The following TXLNB variants were observed in gnomAD, a reference collection of about 807,000 sequenced individuals.
TXLNB encodes beta-taxilin.
In TXLNB, 37 loss-of-function variants were observed where a neutral mutation model predicts 57.4. The ratio of observed to expected loss-of-function variants is 0.64; its 90% CI spans 0.50 to 0.85. TXLNB has a LOEUF of 0.85. Ranked by LOEUF, TXLNB falls within the 40% of genes least tolerant of loss-of-function variation. TXLNB has a pLI of 0.00. For missense variants in TXLNB, 848 were observed against 825.6 expected, an observed-to-expected ratio of 1.03 and a Z score of -0.33; for synonymous variants, 302 against 309.6, an observed-to-expected ratio of 0.98 and a Z score of 0.26.
the TXLNB span, among the ~76,000 whole-genome samples, chr6:139,230,617 A>C: frequency 6.6e-6 from 1 of 152,214 alleles, no homozygotes; most frequent in African/African-American, 2.4e-5. Flanking sequence ...AATGGCATGG[A>C]GAATTTCTCA....
the TXLNB span, among the ~76,000 whole-genome samples, chr6:139,173,792 A>G: frequency 6.6e-6 from 1 of 152,232 alleles, no homozygotes; most frequent in African/African-American, 2.4e-5. Flanking sequence ...GAATAATAAG[A>G]CATTGAACTT....
At chr6:139,248,326 T>C (rs1278061475) in intron 7 of TXLNB, among the ~76,000 whole-genome samples, 1 of 149,044 alleles carries the variant, frequency 6.7e-6, no homozygotes, top group African/African-American at 2.5e-5. Flanking sequence ...TGAAACCCCG[T>C]CTCTACTAAA....
Position 139,242,887 on chromosome 6 carries a change from G to C in TXLNB, c.1694C>G (p.Ala565Gly). 1.2e-6 allele frequency: 2 copies of C among 1,614,162 alleles called. No individual in the cohort carries two copies. Among genetic ancestry groups the C allele is most frequent in the Non-Finnish European group, 1.7e-6 (2 of 1,180,016 alleles). The change falls in exon 10 of 10, where the codon GCC becomes GGC. Residue 565 changes from alanine (A) to glycine (G), a missense_variant. Coordinates refer to ENST00000358430, the MANE Select transcript of TXLNB (RefSeq NM_153235.4). ...AGGTTCAGCATCACTGCCTCCTTCG[G>C]CTTCAGCCTGAGGAGTTAGGGGAGG... Reference protein sequence around the residue: ...PLPPLTPQAEAEGGSDAEPPS... With the variant: ...PLPPLTPQAEGEGGSDAEPPS...
chr6:139,288,424 T>A, intron 2 of TXLNB, 52 bp downstream of exon 2: 1 of 1,541,816 alleles, frequency 6.5e-7, no homozygotes, highest in South Asian at 1.2e-5. Context: ...GAAGTGCCCC[T>A]TTTTTAGGAA....
chr6:139,247,797 T>G lies in TXLNB; in HGVS notation c.1170+20A>C. The G allele has an allele frequency of 1.3e-6, 2 of 1,520,896 alleles. No individual in the cohort carries two copies. The highest frequency in any genetic ancestry group is 1.8e-6 in the Non-Finnish European group (2 of 1,116,382). The allele number at this position is 1,520,896 out of a possible 1,614,324, so 94.2% of individuals were successfully genotyped here. On this transcript the variant is annotated intron_variant, in intron 8 of 9. Coordinates refer to ENST00000358430, the MANE Select transcript of TXLNB (RefSeq NM_153235.4). ...AAAATAGAAAATGTCAATATTTTGT[T>G]GGTGATAAGCAATACTCACTTTGTC...
chr6:139,252,339 T>TA (rs1405632458), intron 7 of TXLNB, among the ~76,000 whole-genome samples: 1 of 152,212 alleles, frequency 6.6e-6, no homozygotes, highest in Non-Finnish European at 1.5e-5. Flanking sequence ...GAATCTGTGA[T>TA]AGAGTTTGTT....
In TXLNB at chr6:139,270,482, G is replaced by C; in HGVS notation, c.661C>G (p.Leu221Val). The change falls in exon 4 of 10, where the codon CTG becomes GTG. Residue 221 changes from leucine to valine, a missense_variant. Coordinates refer to ENST00000358430, the MANE Select transcript of TXLNB (RefSeq NM_153235.4). ...RSKLESLCRE[L>V]QRHNKTLKEE... ...TTCAGAGTCTTGTTGTGTCTCTGCA[G>C]CTCCCGGCACAGACTCTCCAATTTG... 6.2e-7 allele frequency: 1 copy of C among 1,614,102 alleles called. No homozygotes were observed. Among genetic ancestry groups the C allele is most frequent in the Non-Finnish European group, 8.5e-7 (1 of 1,179,998 alleles).
At chr6:139,216,964 A>G in the TXLNB span, among the ~76,000 whole-genome samples, 1 of 152,188 alleles carries the variant, frequency 6.6e-6, no homozygotes, top group Non-Finnish European at 1.5e-5. Context: ...AATCACCACT[A>G]AAGAACTTAT....
chr6:139,227,665 T>C, the TXLNB span, among the ~76,000 whole-genome samples: 666 of 152,316 alleles, frequency 4.4e-3, 4 homozygotes, highest in African/African-American at 0.015. Flanking sequence ...ATAGATAAGT[T>C]GTGGTATATT....
Position 139,255,786 on chromosome 6 carries a change from A to G in TXLNB, c.1003-148T>C, listed in dbSNP as rs369857984. 34 of 606,932 alleles carry G rather than the reference A, an allele frequency of 5.6e-5. No individual in the cohort carries two copies. The African/African-American group carries it at 6.4e-4, about 11-fold the overall frequency. The allele number at this position is 606,932 out of a possible 1,614,324, so 37.6% of individuals were successfully genotyped here. On this transcript the variant is annotated intron_variant, in intron 6 of 9. Transcript: ENST00000358430. ...CTTTGAAAAGAATCTAAGAAAGCTTAAAAAACCAGGCCCAGCATGGTGGCT... is the reference window on the plus strand; with the variant it reads ...CTTTGAAAAGAATCTAAGAAAGCTTGAAAAACCAGGCCCAGCATGGTGGCT...
chr6:139,321,786 C>G, the TXLNB span, among the ~76,000 whole-genome samples: 1 of 151,742 alleles, frequency 6.6e-6, no homozygotes, highest in Non-Finnish European at 1.5e-5. Flanking sequence ...TTCCCACCAC[C>G]ACGCCTGGCT....
chr6:139,281,198 A>G (rs9495411), intron 2 of TXLNB, among the ~76,000 whole-genome samples: 3 of 151,890 alleles, frequency 2.0e-5, no homozygotes, highest in African/African-American at 7.3e-5. Context: ...TCACAACTAA[A>G]ATAGCTTTCA....
At chr6:139,281,302 T>A (rs9495412) in intron 2 of TXLNB, among the ~76,000 whole-genome samples, 60,107 of 152,038 alleles carry the variant, frequency 0.4, 14,634 homozygotes, top group African/African-American at 0.7. Flanking sequence ...TCCACTTTTT[T>A]AATTTACAAA....
At chr6:139,181,265 A>AG in the TXLNB span, among the ~76,000 whole-genome samples, 27 of 152,378 alleles carry the variant, frequency 1.8e-4, no homozygotes, top group African/African-American at 6.5e-4. Flanking sequence ...GCCATACAGT[A>AG]ATCCCCCCTT....
Position 139,244,649 on chromosome 6 carries a change from T to A in TXLNB, c.1212A>T (p.Thr404=). 6.2e-7 allele frequency: 1 copy of A among 1,614,070 alleles called. No individual in the cohort carries two copies. Among genetic ancestry groups the A allele is most frequent in the Non-Finnish European group, 8.5e-7 (1 of 1,179,910 alleles). ...KMKKLEKDTA[T]WKARFENCNK... is the part of the protein sequence containing the mutation. ...TACAGTTCTCAAATCGGGCTTTCCA[T>A]GTGGCTGTGTCCTTTTCCAGCTTCT... The change falls in exon 9 of 10, where the codon ACA becomes ACT. Residue 404 remains threonine (T), a synonymous_variant. Coordinates refer to ENST00000358430, the MANE Select transcript of TXLNB (RefSeq NM_153235.4).
At chr6:139,310,768 C>T in the TXLNB span, among the ~76,000 whole-genome samples, 1 of 152,218 alleles carries the variant, frequency 6.6e-6, no homozygotes, top group South Asian at 2.1e-4. Flanking sequence ...GATCCCAGCA[C>T]ACTGCAACCT....
chr6:139,178,323 C>T, the TXLNB span: 2 of 152,038 alleles, frequency 1.3e-5, no homozygotes, highest in Non-Finnish European at 2.9e-5. Context: ...GATTTTAATG[C>T]TTTAAATAGA....
intron 6 of TXLNB, 53 bp downstream of exon 6, chr6:139,260,265 G>A: frequency 6.3e-7 from 1 of 1,586,890 alleles, no homozygotes; most frequent in Non-Finnish European, 8.6e-7. Context: ...TGCTCAGAGT[G>A]TCTCTGACAC....
chr6:139,182,492 G>C, the TXLNB span, among the ~76,000 whole-genome samples: 3 of 152,176 alleles, frequency 2.0e-5, no homozygotes, highest in Admixed American at 1.3e-4. Flanking sequence ...TTTAGATCTT[G>C]CTTGTATTGT....
Sources: gnomAD v4.1 joint callset for allele counts (sites outside exome capture counted in the v4.1 genomes callset) on GRCh38, gnomAD v4.1.1 for gene constraint, MANE v1.5 for transcripts, NCBI Gene and HGNC (gene_info 2026-07-23, HGNC 2026-07-21) for gene names.